The following GUCY2C variants were observed in gnomAD, a reference collection of about 807,000 sequenced individuals.
The protein encoded by GUCY2C is guanylate cyclase 2C, also known as guanylyl cyclase C.
GUCY2C carries 118 observed loss-of-function variants against 131.1 expected under a neutral mutation model. The observed-to-expected ratio is 0.90, with a 90% confidence interval of 0.78 to 1.05. GUCY2C has a LOEUF of 1.05. GUCY2C is among the 50% of genes least tolerant of loss of function. GUCY2C has a pLI of 0.00. For synonymous variants in GUCY2C, 452 were observed against 457.8 expected (o/e 0.99, Z 0.16); for missense variants, 1,161 against 1,304.4 (o/e 0.89, Z 1.69).
At chr12:14,634,093 C>T (rs1947211078) in intron 19 of GUCY2C, among the ~76,000 whole-genome samples, 1 of 152,010 alleles carries the variant, frequency 6.6e-6, no homozygotes, top group Non-Finnish European at 1.5e-5. Context: ...ACATTATAGT[C>T]AAATTGTCAA....
chr12:14,646,421 G>C (rs138780783), intron 15 of GUCY2C, among the ~76,000 whole-genome samples: 1 of 152,250 alleles, frequency 6.6e-6, no homozygotes, highest in African/African-American at 2.4e-5. Flanking sequence ...GGAGTTATGG[G>C]CAGACAGACT....
intron 1 of GUCY2C, among the ~76,000 whole-genome samples, chr12:14,695,936 C>CGTGA (rs1266339111): frequency 2.0e-5 from 3 of 152,132 alleles, no homozygotes; most frequent in Non-Finnish European, 4.4e-5. Context: ...AGATTACAGA[C>CGTGA]GTGAGCCACC....
chr12:14,675,207 CAA>C (rs35870014), intron 7 of GUCY2C, among the ~76,000 whole-genome samples: 1 of 34,782 alleles, frequency 2.9e-5, no homozygotes. Flanking sequence ...AACTCCATCT[CAA>C]AAAAAAAAAA....
intron 19 of GUCY2C, among the ~76,000 whole-genome samples, chr12:14,635,638 AT>A (rs1334929630): frequency 6.6e-6 from 1 of 152,152 alleles, no homozygotes; most frequent in African/African-American, 2.4e-5. Flanking sequence ...GGTTGAAAAA[AT>A]AATACAAAGG....
Position 14,653,326 on chromosome 12 carries a change from CCT to C in GUCY2C, c.1471-314_1471-313del, listed in dbSNP as rs1471355488. ...AACCCTGTTTTTGTGGGAATTATTG[CCT>C]GTAGCTACAGATAGATGCTCTTGGG... On this transcript the variant is annotated intron_variant, in intron 12 of 26. Coordinates refer to ENST00000261170, the MANE Select transcript of GUCY2C (RefSeq NM_004963.4). Among the ~76,000 whole-genome samples the C allele has an allele frequency of 2.6e-5, 4 of 152,152 alleles. 1 individual carries two copies. Among genetic ancestry groups the C allele is most frequent in the Admixed American group, 2.6e-4 (4 of 15,278 alleles).
chr12:14,645,135 G>T, intron 16 of GUCY2C, 94 bp downstream of exon 16: 1 of 702,244 alleles, frequency 1.4e-6, no homozygotes, highest in Non-Finnish European at 2.5e-6. Context: ...TCATTTTACA[G>T]ATGAAGAAAC....
chr12:14,665,036 A>AC (rs1306324308), intron 10 of GUCY2C, among the ~76,000 whole-genome samples: 7 of 151,928 alleles, frequency 4.6e-5, no homozygotes, highest in Non-Finnish European at 1.0e-4. Flanking sequence ...ACATGGTGAA[A>AC]CCCCGTCTCC....
At chr12:14,625,691 A>G in intron 21 of GUCY2C, 66 bp downstream of exon 21, 2 of 1,497,096 alleles carry the variant, frequency 1.3e-6, no homozygotes, top group Non-Finnish European at 9.2e-7. Context: ...AACAAATCCT[A>G]TATAGATACA....
At chr12:14,691,649 C>T (rs1309904919) in intron 1 of GUCY2C, among the ~76,000 whole-genome samples, 1 of 152,140 alleles carries the variant, frequency 6.6e-6, no homozygotes, top group African/African-American at 2.4e-5. Flanking sequence ...TGTCCTACCA[C>T]CATGAGGGAC....
intron 22 of GUCY2C, 102 bp from the exon 23 acceptor site, chr12:14,621,318 A>T (rs1946892111): frequency 2.1e-6 from 2 of 952,678 alleles, no homozygotes; most frequent in Non-Finnish European, 3.3e-6. Flanking sequence ...TGATTTGGGA[A>T]CACAGTATGA....
At chr12:14,672,721 C>T in intron 9 of GUCY2C, 152 bp downstream of exon 9, 1 of 601,296 alleles carries the variant, frequency 1.7e-6, no homozygotes, top group Non-Finnish European at 3.0e-6. Flanking sequence ...AGGAATACTA[C>T]CCTAAGTGGG....
intron 19 of GUCY2C, 69 bp from the exon 20 acceptor site, chr12:14,628,806 C>G: frequency 1.2e-6 from 1 of 821,498 alleles, no homozygotes; most frequent in Admixed American, 1.8e-5. Flanking sequence ...AATTCTTATT[C>G]TCATTGATGG....
chr12:14,663,367 C>T (rs1196572970), intron 10 of GUCY2C, among the ~76,000 whole-genome samples: 1 of 152,244 alleles, frequency 6.6e-6, no homozygotes, highest in Non-Finnish European at 1.5e-5. Flanking sequence ...ACCGCAACCT[C>T]CACCCTCCAG....
Position 14,619,314 on chromosome 12 carries a change from A to G in GUCY2C, c.2777-5T>C, listed in dbSNP as rs1279864145. Reference sequence around the variant, plus strand: ...CAACTCCAGCAGCACAGGGACCTGAAATGAAGGACAGAAAGCAGGAAGTGG... The same window carrying G: ...CAACTCCAGCAGCACAGGGACCTGAGATGAAGGACAGAAAGCAGGAAGTGG... On this transcript the variant is annotated splice_region_variant and splice_polypyrimidine_tract_variant and intron_variant, in intron 23 of 26. Coordinates refer to ENST00000261170, the MANE Select transcript of GUCY2C (RefSeq NM_004963.4). 3 of 1,585,250 alleles carry G rather than the reference A, an allele frequency of 1.9e-6. No individual in the cohort carries two copies. The highest frequency in any genetic ancestry group is 2.6e-6 in the Non-Finnish European group (3 of 1,153,594).
intron 19 of GUCY2C, among the ~76,000 whole-genome samples, chr12:14,633,676 C>G (rs1382991883): frequency 1.3e-5 from 2 of 148,370 alleles, no homozygotes; most frequent in African/African-American, 4.9e-5. Flanking sequence ...AAAAAAAATT[C>G]AGGATATGAA....
chr12:14,635,174 G>C (rs189242698), intron 19 of GUCY2C, among the ~76,000 whole-genome samples: 1 of 152,220 alleles, frequency 6.6e-6, no homozygotes, highest in African/African-American at 2.4e-5. Flanking sequence ...CCTGTGATCA[G>C]CACATGGAAC....
intron 6 of GUCY2C, among the ~76,000 whole-genome samples, chr12:14,677,296 ACTTT>A (rs1425446366): frequency 2.6e-5 from 4 of 152,126 alleles, no homozygotes; most frequent in South Asian, 4.1e-4. Context: ...ATAGGTAGAA[ACTTT>A]CTTTAAGTGC....
chr12:14,620,949 C>T (rs772068248), intron 23 of GUCY2C, 93 bp downstream of exon 23: 15 of 957,788 alleles, frequency 1.6e-5, no homozygotes, highest in African/African-American at 9.9e-5. Flanking sequence ...TATGTGAGGT[C>T]GATCACACTT....
At chr12:14,638,593 G>A (rs1947326786) in intron 19 of GUCY2C, among the ~76,000 whole-genome samples, 2 of 152,204 alleles carry the variant, frequency 1.3e-5, no homozygotes, top group South Asian at 2.1e-4. Context: ...AGGTCACTAT[G>A]TAAAGTGAAA....
Sources: gnomAD v4.1 joint callset for allele counts (sites outside exome capture counted in the v4.1 genomes callset) on GRCh38, gnomAD v4.1.1 for gene constraint, MANE v1.5 for transcripts, NCBI Gene and HGNC (gene_info 2026-07-23, HGNC 2026-07-21) for gene names.